The following DISC1 variants were observed in gnomAD, a reference collection of about 807,000 sequenced individuals.
DISC1 encodes disrupted in schizophrenia 1 protein.
Under a neutral mutation model 84.5 loss-of-function variants are expected in DISC1, and 57 were observed. That is an observed-to-expected ratio of 0.67 (90% CI 0.55 to 0.84). The LOEUF (loss-of-function observed/expected upper bound fraction) is 0.84. Among genes scored for constraint, DISC1 ranks in the 40% least tolerant of loss-of-function variants. The pLI is 0.00. For missense variants in DISC1, 1,000 were observed against 1,057.8 expected, an observed-to-expected ratio of 0.95 and a Z score of 0.76; for synonymous variants, 411 against 415.2, an observed-to-expected ratio of 0.99 and a Z score of 0.12.
chr1:231,721,800 A>G (rs2069756406), intron 3 of DISC1, among the ~76,000 whole-genome samples: 4 of 152,222 alleles, frequency 2.6e-5, no homozygotes, highest in Admixed American at 2.6e-4. Flanking sequence ...TGTTGCTAAA[A>G]AAAAGAAAAA....
chr1:232,026,860 T>A (rs1259160688), intron 12 of DISC1, among the ~76,000 whole-genome samples: 2 of 149,672 alleles, frequency 1.3e-5, no homozygotes, highest in African/African-American at 4.9e-5. Flanking sequence ...ACGGTTCTCC[T>A]GCCTCAGCCT....
chr1:231,673,286 A>G (rs764413150), intron 1 of DISC1, among the ~76,000 whole-genome samples: 1 of 152,170 alleles, frequency 6.6e-6, no homozygotes, highest in African/African-American at 2.4e-5. Context: ...TGACTCACTC[A>G]GCATCCTTTC....
chr1:231,974,306 C>T (rs1268938952), intron 10 of DISC1, among the ~76,000 whole-genome samples: 8 of 151,968 alleles, frequency 5.3e-5, no homozygotes, highest in Non-Finnish European at 7.4e-5. Flanking sequence ...ACAAATATGC[C>T]GAAATATGAT....
chr1:231,702,273 C>A, intron 3 of DISC1: 1 of 1,182,122 alleles, frequency 8.5e-7, no homozygotes, highest in Non-Finnish European at 1.0e-6. Context: ...CATACTCACA[C>A]AATAAAAATT....
At position 231,907,131 on chromosome 1, in the gene DISC1, CTCTTTCTT is replaced by C. The variant is rs1258067740; in HGVS notation, c.1982-51665_1982-51658del. On this transcript the variant is annotated intron_variant, in intron 9 of 12. Coordinates refer to ENST00000439617, the MANE Select transcript of DISC1 (RefSeq NM_018662.3). Reference sequence around the variant, plus strand: ...CTCTCCTTCCTTCCTTCCTTCCTTCCTCTTTCTTTCTTTCTTTCTTTCTTTCTTTCTTT... The same window carrying C: ...CTCTCCTTCCTTCCTTCCTTCCTTCCTCTTTCTTTCTTTCTTTCTTTCTTT... Among the ~76,000 whole-genome samples the C allele has an allele frequency of 4.5e-3, 423 of 93,110 alleles. 27 individuals carry two copies. The highest frequency in any genetic ancestry group is 0.018 in the African/African-American group (376 of 20,768). 61.1% of individuals were successfully genotyped at this position (93,110 alleles called of 152,430 possible).
intron 9 of DISC1, among the ~76,000 whole-genome samples, chr1:231,911,970 C>G (rs148578239): frequency 3.1e-4 from 47 of 152,298 alleles, no homozygotes; most frequent in Non-Finnish European, 5.3e-4. Flanking sequence ...GAATCAGCTA[C>G]TGACACTTGT....
chr1:231,795,147 C>G (rs2078658140), intron 6 of DISC1, 95 bp from the exon 7 acceptor site: 3 of 1,191,800 alleles, frequency 2.5e-6, no homozygotes, highest in Non-Finnish European at 3.8e-6. Context: ...GTCCATCAGA[C>G]CAGTGGAAGG....
intron 9 of DISC1, among the ~76,000 whole-genome samples, chr1:231,864,733 G>A (rs899380944): frequency 1.3e-5 from 2 of 152,092 alleles, no homozygotes; most frequent in Admixed American, 6.6e-5. Context: ...ACTGAACGAC[G>A]TGATGACCGT....
intron 1 of DISC1, among the ~76,000 whole-genome samples, chr1:231,685,496 A>C (rs2125586841): frequency 6.6e-6 from 1 of 151,984 alleles, no homozygotes; most frequent in South Asian, 2.1e-4. Context: ...TCTGTTGCCC[A>C]GGCTGGAATG....
At chr1:231,794,368 A>G (rs982910187) in intron 6 of DISC1, among the ~76,000 whole-genome samples, 4 of 152,120 alleles carry the variant, frequency 2.6e-5, no homozygotes, top group Admixed American at 6.6e-5. Context: ...AAGGCAGACA[A>G]TATTCTGCCT....
At chr1:231,952,090 C>CAAAAAAAAAAAAA (rs11392611) in intron 9 of DISC1, among the ~76,000 whole-genome samples, 4 of 54,228 alleles carry the variant, frequency 7.4e-5, no homozygotes, top group African/African-American at 1.2e-4. Flanking sequence ...CTCAATGTCT[C>CAAAAAAAAAAAAA]AAAAAAAAAA....
At chr1:231,805,295 T>C (rs573973081) in intron 8 of DISC1, among the ~76,000 whole-genome samples, 1 of 152,210 alleles carries the variant, frequency 6.6e-6, no homozygotes, top group Non-Finnish European at 1.5e-5. Flanking sequence ...CAGTCCGTTC[T>C]CACACTGCTG....
chr1:231,691,308 G>A (rs1307955947), intron 1 of DISC1, among the ~76,000 whole-genome samples: 1 of 151,970 alleles, frequency 6.6e-6, no homozygotes. Context: ...GCAGGCACCC[G>A]CAATCCCAGC....
At chr1:231,672,111 A>G (rs2062684479) in intron 1 of DISC1, among the ~76,000 whole-genome samples, 1 of 152,224 alleles carries the variant, frequency 6.6e-6, no homozygotes, top group Non-Finnish European at 1.5e-5. Flanking sequence ...TCCAGAATAT[A>G]TAACTGGCTG....
At position 232,026,600 on chromosome 1, in the gene DISC1, AAG is replaced by A. The variant is rs775964704; in HGVS notation, c.2425+53_2425+54del. ...GAAGCAAGGCAAAGTTATTTTATAA[AAG>A]AGAGTCTTTAAAGGGTAGTTTTTCA... is the stretch of plus-strand genomic sequence containing the variant. On this transcript the variant is annotated intron_variant, in intron 12 of 12. Transcript: ENST00000439617. 105 of 1,431,792 alleles carry A rather than the reference AAG, an allele frequency of 7.3e-5. 1 individual carries two copies. In the East Asian group the frequency reaches 2.5e-3, roughly 34 times the overall value. The allele number at this position is 1,431,792 out of a possible 1,614,324, so 88.7% of individuals were successfully genotyped here. A position where few individuals can be genotyped will look rare whatever the true frequency, so the allele number is the denominator to read the frequency against.
intron 9 of DISC1, among the ~76,000 whole-genome samples, chr1:231,947,677 A>AT (rs1657498829): frequency 6.6e-6 from 1 of 152,260 alleles, no homozygotes; most frequent in Non-Finnish European, 1.5e-5. Context: ...GGCAACCTAC[A>AT]GAATGGGGGA....
intron 6 of DISC1, among the ~76,000 whole-genome samples, chr1:231,787,257 T>C (rs535223543): frequency 3.9e-5 from 6 of 152,228 alleles, no homozygotes; most frequent in African/African-American, 9.6e-5. Flanking sequence ...ACTGAGTAAT[T>C]TATAAAGAGA....
intron 9 of DISC1, among the ~76,000 whole-genome samples, chr1:231,875,890 A>G (rs1413936130): frequency 1.3e-5 from 2 of 152,232 alleles, no homozygotes; most frequent in Non-Finnish European, 2.9e-5. Context: ...AGCAAACTGT[A>G]CCAGAAGGTA....
chr1:231,983,002 G>A (rs1663839525), intron 10 of DISC1, among the ~76,000 whole-genome samples: 1 of 152,168 alleles, frequency 6.6e-6, no homozygotes, highest in African/African-American at 2.4e-5. Flanking sequence ...AAATGTAAGA[G>A]CAGCAGATAT....
Sources: allele counts gnomAD v4.1 joint callset (sites outside exome capture counted in the v4.1 genomes callset), GRCh38; gene constraint gnomAD v4.1.1; transcripts MANE v1.5; gene names NCBI Gene and HGNC (gene_info 2026-07-23, HGNC 2026-07-21).